KIAA1328: variants seen among roughly 807,000 people sequenced by gnomAD.
KIAA1328 encodes protein hinderin.
In KIAA1328, 52 loss-of-function variants were observed where a neutral mutation model predicts 68.1. The observed-to-expected ratio is 0.76, with a 90% CI of 0.61 to 0.96. The LOEUF (loss-of-function observed/expected upper bound fraction) is 0.96, where lower values mean the gene tolerates loss of function less well. KIAA1328 is among the 40% of genes least tolerant of loss of function. KIAA1328 has a pLI of 0.00. For missense variants in KIAA1328, 641 were observed against 677.6 expected, an observed-to-expected ratio of 0.95 and a Z score of 0.60; for synonymous variants, 232 against 239.4, an observed-to-expected ratio of 0.97 and a Z score of 0.28.
At chr18:36,937,992 T>C (rs2050569002) in intron 5 of KIAA1328, among the ~76,000 whole-genome samples, 1 of 152,154 alleles carries the variant, frequency 6.6e-6, no homozygotes, top group African/African-American at 2.4e-5. Context: ...TATATATTTC[T>C]CATTTTCTTT....
At chr18:36,885,536 G>GT (rs752016737) in intron 4 of KIAA1328, 21 bp from the exon 5 acceptor site, 89,566 of 972,986 alleles carry the variant, frequency 0.092, 27 homozygotes, top group South Asian at 0.11. Flanking sequence ...GATGTTAAAG[G>GT]TTTTTTTTTT....
chr18:37,228,879 A>G (rs969767087), downstream of KIAA1328, among the ~76,000 whole-genome samples: 1 of 152,188 alleles, frequency 6.6e-6, no homozygotes, highest in East Asian at 1.9e-4. Flanking sequence ...GATCCTTAGC[A>G]ATAAAGGATT....
At chr18:37,114,707 C>G (rs1310399425) in intron 7 of KIAA1328, among the ~76,000 whole-genome samples, 1 of 152,094 alleles carries the variant, frequency 6.6e-6, no homozygotes, top group Non-Finnish European at 1.5e-5. Flanking sequence ...TTTAGAAAAT[C>G]AATGAATCCA....
At chr18:36,940,137 G>C (rs548161929) in intron 5 of KIAA1328, among the ~76,000 whole-genome samples, 44 of 152,294 alleles carry the variant, frequency 2.9e-4, no homozygotes, top group Admixed American at 8.5e-4. Flanking sequence ...AGACAGAAAA[G>C]CTGCTTTTCT....
chr18:36,966,303 A>G lies in KIAA1328; in HGVS notation c.576+6868A>G, dbSNP rs548914082. Among the ~76,000 whole-genome samples the G allele has an allele frequency of 1.3e-4, 20 of 152,316 alleles. No individual in the cohort carries two copies. The East Asian group carries it at 3.9e-3, about 29-fold the overall frequency. ...GAAAGGAAAATGACATAAGGCAGTA[A>G]CTCAAATCCACACAAAGAAATAAAA... On this transcript the variant is annotated intron_variant, in intron 6 of 9. Transcript: ENST00000280020.
chr18:36,998,895 A>G (rs2053491000), intron 6 of KIAA1328, among the ~76,000 whole-genome samples: 1 of 152,246 alleles, frequency 6.6e-6, no homozygotes. Flanking sequence ...GATACCTTCA[A>G]AGGATTACAA....
At chr18:36,888,686 G>A (rs953460775) in intron 5 of KIAA1328, among the ~76,000 whole-genome samples, 3 of 151,938 alleles carry the variant, frequency 2.0e-5, no homozygotes, top group Non-Finnish European at 4.4e-5. Flanking sequence ...TTGCTCAGGT[G>A]CAAATCTCCT....
At position 37,023,272 on chromosome 18, in the gene KIAA1328, T is replaced by C. The variant is rs947444934; in HGVS notation, c.577-43618T>C. On this transcript the variant is annotated intron_variant, in intron 6 of 9. Coordinates refer to ENST00000280020, the MANE Select transcript of KIAA1328 (RefSeq NM_020776.3). ...CTCTGTTGCCCAGGCTGGTGTGCTA[T>C]GGCATGAGCAGGACTCACTACAGCC... Among the ~76,000 whole-genome samples the C allele has an allele frequency of 4.6e-5, 7 of 152,328 alleles. No homozygotes were observed. In the East Asian group the frequency reaches 1.3e-3, roughly 29 times the overall value.
intron 1 of KIAA1328, chr18:36,829,425 C>T (rs1173055400): frequency 7.5e-7 from 1 of 1,328,892 alleles, no homozygotes; most frequent in Non-Finnish European, 9.6e-7. Flanking sequence ...AGATGCTTCC[C>T]AGCGCTCACT....
At chr18:36,982,686 A>G (rs1028625231) in intron 6 of KIAA1328, among the ~76,000 whole-genome samples, 1 of 152,052 alleles carries the variant, frequency 6.6e-6, no homozygotes, top group African/African-American at 2.4e-5. Flanking sequence ...AAATATACAT[A>G]AACTAATGGC....
chr18:37,065,531 TAGTTA>T (rs1425210354), intron 6 of KIAA1328, among the ~76,000 whole-genome samples: 1 of 152,198 alleles, frequency 6.6e-6, no homozygotes, highest in Non-Finnish European at 1.5e-5. Context: ...CCCATCTTGC[TAGTTA>T]AGTAATTGGA....
chr18:36,974,797 A>G (rs1436792281), intron 6 of KIAA1328, among the ~76,000 whole-genome samples: 1 of 152,196 alleles, frequency 6.6e-6, no homozygotes, highest in African/African-American at 2.4e-5. Flanking sequence ...TCTGCATCAC[A>G]GAAGGATTTT....
downstream of KIAA1328, chr18:37,229,481 C>A: frequency 2.8e-6 from 3 of 1,066,444 alleles, no homozygotes; most frequent in South Asian, 1.6e-5. Flanking sequence ...TTGCCAAGGT[C>A]ATCAACTAGT....
chr18:37,045,779 G>T (rs2055444807), intron 6 of KIAA1328, among the ~76,000 whole-genome samples: 1 of 152,192 alleles, frequency 6.6e-6, no homozygotes. Context: ...GCATTTGGGA[G>T]ATGTTAATTG....
Position 37,156,245 on chromosome 18 carries a change from A to G in KIAA1328, c.1233-3955A>G, listed in dbSNP as rs538623818. ...AACATGGAGAAACCCCATCTCTACTAAAAAATACAAAGTTAGCCGGGCATG... is the reference window on the plus strand; with the variant it reads ...AACATGGAGAAACCCCATCTCTACTGAAAAATACAAAGTTAGCCGGGCATG... On this transcript the variant is annotated intron_variant, in intron 7 of 9. Transcript: ENST00000280020. Among the ~76,000 whole-genome samples the G allele has an allele frequency of 6.6e-5, 10 of 151,848 alleles. No individual in the cohort carries two copies. In the South Asian group the frequency reaches 2.1e-3, roughly 32 times the overall value.
At chr18:36,915,932 GTCTT>G (rs2049680300) in intron 5 of KIAA1328, among the ~76,000 whole-genome samples, 1 of 152,136 alleles carries the variant, frequency 6.6e-6, no homozygotes, top group African/African-American at 2.4e-5. Flanking sequence ...CAACTCAAAT[GTCTT>G]TCAGTGAGTG....
At chr18:37,022,128 G>C (rs1272109266) in intron 6 of KIAA1328, among the ~76,000 whole-genome samples, 1 of 151,976 alleles carries the variant, frequency 6.6e-6, no homozygotes, top group Non-Finnish European at 1.5e-5. Context: ...GACCTGGCAG[G>C]AACCTTAGCA....
At chr18:36,829,235 C>G in intron 1 of KIAA1328, 39 bp downstream of exon 1, 1 of 1,487,074 alleles carries the variant, frequency 6.7e-7, no homozygotes, top group Non-Finnish European at 8.9e-7. Context: ...CCGGCGCCCT[C>G]CACGGGACGG....
chr18:36,853,529 C>T (rs1466601456), intron 4 of KIAA1328, among the ~76,000 whole-genome samples: 1 of 152,054 alleles, frequency 6.6e-6, no homozygotes, highest in East Asian at 1.9e-4. Flanking sequence ...TTGTGACACT[C>T]TAATTTGAAT....
Sources: allele counts gnomAD v4.1 joint callset (sites outside exome capture counted in the v4.1 genomes callset), GRCh38; gene constraint gnomAD v4.1.1; transcripts MANE v1.5; gene names NCBI Gene and HGNC (gene_info 2026-07-23, HGNC 2026-07-21).